The following CCDC148 variants were observed in gnomAD, a reference collection of about 807,000 sequenced individuals.
CCDC148 encodes coiled-coil domain-containing protein 148.
CCDC148 carries 89 observed loss-of-function variants against 85.7 expected under a neutral mutation model. That is an observed-to-expected ratio of 1.04 (90% CI 0.87 to 1.24). The LOEUF is 1.24. Ranked by LOEUF, CCDC148 falls within the 50% of genes most tolerant of loss-of-function variation. The pLI, the probability that CCDC148 is intolerant of heterozygous loss-of-function variation, is 0.00. For synonymous variants in CCDC148, 230 were observed against 213.9 expected (o/e 1.08, Z -0.66); for missense variants, 692 against 671.7 (o/e 1.03, Z -0.33).
chr2:158,453,061 T>G (rs1688468322), intron 1 of CCDC148, among the ~76,000 whole-genome samples: 2 of 152,248 alleles, frequency 1.3e-5, no homozygotes, highest in Non-Finnish European at 2.9e-5. Flanking sequence ...TTCCAATTTT[T>G]TATTGTTCAA....
chr2:158,174,109 GA>G (rs1309032107), intron 13 of CCDC148, among the ~76,000 whole-genome samples: 1 of 151,998 alleles, frequency 6.6e-6, no homozygotes, highest in Non-Finnish European at 1.5e-5. Context: ...AGCACCACCA[GA>G]TGATTATAAT....
intron 10 of CCDC148, among the ~76,000 whole-genome samples, chr2:158,233,191 G>A (rs1292860244): frequency 6.6e-6 from 1 of 151,904 alleles, no homozygotes; most frequent in African/African-American, 2.4e-5. Context: ...CTTTTGGCCT[G>A]GAATATGCAA....
chr2:158,367,611 A>G (rs1684260435), intron 1 of CCDC148, among the ~76,000 whole-genome samples: 5 of 152,128 alleles, frequency 3.3e-5, no homozygotes, highest in Admixed American at 3.3e-4. Context: ...CACCATCTCT[A>G]TGTACTTCAA....
At chr2:158,305,385 A>G (rs1415384240) in intron 9 of CCDC148, among the ~76,000 whole-genome samples, 2 of 152,162 alleles carry the variant, frequency 1.3e-5, no homozygotes, top group Non-Finnish European at 2.9e-5. Context: ...TTGAACCAGT[A>G]TTGCAGAATG....
intron 1 of CCDC148, among the ~76,000 whole-genome samples, chr2:158,436,233 C>G (rs985885679): frequency 3.9e-5 from 6 of 152,176 alleles, no homozygotes; most frequent in African/African-American, 1.4e-4. Flanking sequence ...GGAAGTAAAG[C>G]ACTCCTCAGC....
rs944252244 is a variant in CCDC148 at position 158,171,875 on chromosome 2, T to C, written c.*238A>G. 2.9e-6 allele frequency: 1 copy of C among 339,814 alleles called. No homozygotes were observed. The highest frequency in any genetic ancestry group is 5.2e-6 in the Non-Finnish European group (1 of 190,584). 21.0% of individuals were successfully genotyped at this position (339,814 alleles called of 1,614,324 possible). A position where few individuals can be genotyped will look rare whatever the true frequency, so the allele number is the denominator to read the frequency against. Reference sequence around the variant, plus strand: ...TAAATTATAGTATAAGTACTATATGTGCCATAATTAAGTTCCATAATTTGG... The same window carrying C: ...TAAATTATAGTATAAGTACTATATGCGCCATAATTAAGTTCCATAATTTGG... On this transcript the variant is annotated 3_prime_UTR_variant, in exon 14 of 14. Transcript: ENST00000283233.
intron 9 of CCDC148, among the ~76,000 whole-genome samples, chr2:158,305,664 A>G (rs1691649362): frequency 6.6e-6 from 1 of 151,452 alleles, no homozygotes; most frequent in Non-Finnish European, 1.5e-5. Flanking sequence ...GGAGGCAGGA[A>G]GATCACTTGA....
intron 10 of CCDC148, among the ~76,000 whole-genome samples, chr2:158,226,932 C>T (rs1687571950): frequency 1.3e-5 from 2 of 152,082 alleles, no homozygotes; most frequent in Admixed American, 6.6e-5. Flanking sequence ...TCCTATTCAA[C>T]ATAGTGTTGG....
At chr2:158,428,618 T>C (rs1319251333) in intron 1 of CCDC148, among the ~76,000 whole-genome samples, 2 of 117,634 alleles carry the variant, frequency 1.7e-5, no homozygotes, top group Non-Finnish European at 4.0e-5. Flanking sequence ...ATGGTGATCA[T>C]TAAAAAGTCA....
At chr2:158,351,907 G>A (rs527590207) in intron 2 of CCDC148, among the ~76,000 whole-genome samples, 6 of 146,214 alleles carry the variant, frequency 4.1e-5, no homozygotes, top group Non-Finnish European at 8.9e-5. Flanking sequence ...TCCTCAAGTG[G>A]GTCCCTGACC....
chr2:158,356,454 T>C (rs945995481), intron 2 of CCDC148, among the ~76,000 whole-genome samples: 1 of 150,308 alleles, frequency 6.7e-6, no homozygotes, highest in Non-Finnish European at 1.5e-5. Flanking sequence ...AGAAGACATT[T>C]ATGCAGCCAA....
At chr2:158,444,120 T>G (rs1163772410) in intron 1 of CCDC148, among the ~76,000 whole-genome samples, 2 of 152,222 alleles carry the variant, frequency 1.3e-5, no homozygotes, top group Non-Finnish European at 2.9e-5. Flanking sequence ...TGCACATTTT[T>G]TTCTTCTAAT....
chr2:158,421,535 A>G (rs577543004), intron 1 of CCDC148, among the ~76,000 whole-genome samples: 1 of 152,348 alleles, frequency 6.6e-6, no homozygotes, highest in South Asian at 2.1e-4. Context: ...GTTCTTTGAA[A>G]CCAATGAGAA....
chr2:158,224,520 C>A lies in CCDC148; in HGVS notation c.1252-3807G>T, dbSNP rs546709307. ...CTCCAAGACACATAATTGTCAGATT[C>A]ACCAAAGGTAAAAATGTTAAGGGCA... On this transcript the variant is annotated intron_variant, in intron 10 of 13. Transcript: ENST00000283233. Among the ~76,000 whole-genome samples the A allele has an allele frequency of 2.2e-4, 33 of 151,698 alleles. No individual in the cohort carries two copies. In the East Asian group the frequency reaches 6.0e-3, roughly 28 times the overall value.
chr2:158,333,211 G>C (rs777003655), intron 7 of CCDC148, among the ~76,000 whole-genome samples: 5 of 152,118 alleles, frequency 3.3e-5, no homozygotes, highest in African/African-American at 1.2e-4. Flanking sequence ...AGATATTCTG[G>C]TAAATTGTGT....
Position 158,348,487 on chromosome 2 carries a change from A to G in CCDC148, c.148-3169T>C, listed in dbSNP as rs78973971. Among the ~76,000 whole-genome samples the G allele has an allele frequency of 7.4e-3, 1,124 of 152,198 alleles. 19 individuals are homozygous for G. The highest frequency in any genetic ancestry group is 0.026 in the African/African-American group (1,072 of 41,568). On this transcript the variant is annotated intron_variant, in intron 2 of 13. Coordinates refer to ENST00000283233, the MANE Select transcript of CCDC148 (RefSeq NM_138803.4). ...ACCATATCTAGAAGCTTATTTAAAT[A>G]ATCTTTAAGACAAAATTTTTGAGAC...
intron 1 of CCDC148, among the ~76,000 whole-genome samples, chr2:158,402,327 GGTTT>G (rs1489309055): frequency 2.6e-5 from 4 of 151,632 alleles, no homozygotes; most frequent in African/African-American, 7.3e-5. Flanking sequence ...ATACTTTCCT[GGTTT>G]GTTTTTTCTT....
At chr2:158,278,784 C>A (rs1036072022) in intron 9 of CCDC148, among the ~76,000 whole-genome samples, 2 of 152,360 alleles carry the variant, frequency 1.3e-5, no homozygotes, top group South Asian at 2.1e-4. Context: ...GTGGTTCTCC[C>A]AGCACGCGGA....
At chr2:158,274,318 T>C (rs1689828172) in intron 9 of CCDC148, among the ~76,000 whole-genome samples, 1 of 152,186 alleles carries the variant, frequency 6.6e-6, no homozygotes, top group Non-Finnish European at 1.5e-5. Context: ...TTATAGACTA[T>C]GTCCCTGAAT....
Sources: gnomAD v4.1 joint callset for allele counts (sites outside exome capture counted in the v4.1 genomes callset) on GRCh38, gnomAD v4.1.1 for gene constraint, MANE v1.5 for transcripts, NCBI Gene and HGNC (gene_info 2026-07-23, HGNC 2026-07-21) for gene names.